LRRTM4: variants seen among roughly 807,000 people sequenced by gnomAD.
The protein encoded by LRRTM4 is leucine-rich repeat transmembrane neuronal protein 4.
A neutral mutation model predicts 47.6 loss-of-function variants in LRRTM4; 25 were observed. The observed-to-expected ratio is 0.53, with a 90% CI of 0.38 to 0.73. LRRTM4 has a LOEUF of 0.73. Ranked by LOEUF, LRRTM4 falls within the 30% of genes least tolerant of loss-of-function variation. LRRTM4 has a pLI of 0.00. For synonymous variants in LRRTM4, 311 were observed against 269.5 expected, an observed-to-expected ratio of 1.15 and a Z score of -1.51; for missense variants, 638 against 713.4, an observed-to-expected ratio of 0.89 and a Z score of 1.20.
At chr2:77,212,195 AT>A (rs1674311310) in intron 3 of LRRTM4, among the ~76,000 whole-genome samples, 1 of 152,036 alleles carries the variant, frequency 6.6e-6, no homozygotes, top group Non-Finnish European at 1.5e-5. Context: ...AGAAAAAAAC[AT>A]TACTTAAAGT....
At chr2:76,912,487 T>C (rs1237474078) in intron 3 of LRRTM4, among the ~76,000 whole-genome samples, 1 of 152,220 alleles carries the variant, frequency 6.6e-6, no homozygotes, top group Non-Finnish European at 1.5e-5. Flanking sequence ...AATAAATTCT[T>C]AGAAACAAAA....
chr2:77,102,609 G>T (rs1670986763), intron 3 of LRRTM4, among the ~76,000 whole-genome samples: 1 of 152,120 alleles, frequency 6.6e-6, no homozygotes, highest in South Asian at 2.1e-4. Context: ...TCATAGGGCA[G>T]GTGACAATTA....
At chr2:76,983,482 G>A (rs1228389160) in intron 3 of LRRTM4, among the ~76,000 whole-genome samples, 1 of 151,920 alleles carries the variant, frequency 6.6e-6, no homozygotes, top group East Asian at 1.9e-4. Context: ...TTCCCTGCAC[G>A]AGCTCTCTTG....
intron 3 of LRRTM4, among the ~76,000 whole-genome samples, chr2:77,161,208 C>G (rs192122463): frequency 6.6e-6 from 1 of 152,246 alleles, no homozygotes; most frequent in East Asian, 1.9e-4. Flanking sequence ...ATTGTGAAAC[C>G]TAAGACTGGT....
chr2:77,354,411 C>CT (rs1671894942), intron 3 of LRRTM4, among the ~76,000 whole-genome samples: 1 of 133,062 alleles, frequency 7.5e-6, no homozygotes, highest in Admixed American at 8.6e-5. Context: ...GACGTACTTC[C>CT]TAGAAATTGT....
At chr2:77,157,826 T>C (rs1244061142) in intron 3 of LRRTM4, among the ~76,000 whole-genome samples, 1 of 152,118 alleles carries the variant, frequency 6.6e-6, no homozygotes, top group African/African-American at 2.4e-5. Flanking sequence ...TGCAGGAAAC[T>C]CAGGGACAGA....
rs370591975 is a variant in LRRTM4, at chr2:77,353,237, G to T, written c.1551+165081C>A. 3.8e-4 allele frequency among the ~76,000 whole-genome samples: 58 copies of T among 152,174 alleles called. 1 individual carries two copies. The South Asian group carries it at 0.012, about 30-fold the overall frequency. ...TAACATCTGTTGGATAGTTCTCAAG[G>T]CTTTCTTTCCCTTTTGATTTGCACA... is the stretch of plus-strand genomic sequence containing the variant. On this transcript the variant is annotated intron_variant, in intron 3 of 3. Coordinates refer to ENST00000409884, the MANE Select transcript of LRRTM4 (RefSeq NM_001134745.3).
chr2:77,044,266 T>A (rs918743616), intron 3 of LRRTM4, among the ~76,000 whole-genome samples: 1 of 151,708 alleles, frequency 6.6e-6, no homozygotes, highest in African/African-American at 2.4e-5. Flanking sequence ...AAGGTAATAT[T>A]ATTTTAATAA....
chr2:77,480,294 T>A lies in LRRTM4; in HGVS notation c.1551+38024A>T, dbSNP rs1007803336. On this transcript the variant is annotated intron_variant, in intron 3 of 3. Coordinates refer to ENST00000409884, the MANE Select transcript of LRRTM4 (RefSeq NM_001134745.3). The stretch of plus-strand genomic sequence containing the variant: ...AGACTGGCAGAGCCCTTGCAAAATA[T>A]CTCCAACACGATTGCAGGGGAGCAG... Among the ~76,000 whole-genome samples, 92 of 152,256 alleles carry A rather than the reference T, an allele frequency of 6.0e-4. 2 individuals are homozygous for A. The highest frequency in any genetic ancestry group is 6.0e-3 in the Admixed American group (92 of 15,294).
At chr2:76,881,280 G>A (rs1237994777) in intron 3 of LRRTM4, among the ~76,000 whole-genome samples, 1 of 151,962 alleles carries the variant, frequency 6.6e-6, no homozygotes, top group Non-Finnish European at 1.5e-5. Flanking sequence ...CAAGTTTGAG[G>A]GCAAAATGAA....
chr2:77,159,323 T>A (rs1672644751), intron 3 of LRRTM4, among the ~76,000 whole-genome samples: 1 of 152,062 alleles, frequency 6.6e-6, no homozygotes, highest in Admixed American at 6.6e-5. Flanking sequence ...CATACTGCAT[T>A]TTTTCAACAC....
chr2:76,898,418 C>A (rs1299229733), intron 3 of LRRTM4, among the ~76,000 whole-genome samples: 1 of 151,780 alleles, frequency 6.6e-6, no homozygotes, highest in Admixed American at 6.6e-5. Context: ...GGAGTAATCT[C>A]GAAACATTTA....
intron 3 of LRRTM4, among the ~76,000 whole-genome samples, chr2:76,922,088 T>C (rs79856863): frequency 0.067 from 10,156 of 152,144 alleles, 841 homozygotes; most frequent in African/African-American, 0.18. Context: ...TCTTGCTATC[T>C]GCAACAACGT....
rs1313489670 is a variant in LRRTM4, at chr2:77,428,009, A to T, written c.1551+90309T>A. Among the ~76,000 whole-genome samples the T allele has an allele frequency of 2.6e-5, 4 of 152,108 alleles. No homozygotes were observed. In the East Asian group the frequency reaches 7.7e-4, roughly 29 times the overall value. On this transcript the variant is annotated intron_variant, in intron 3 of 3. Transcript: ENST00000409884. ...GAAGTAATTGAACCATAGGGCAGTTACTCCCATGCTACTGTTCTTGTGAGA... is the reference window on the plus strand; with the variant it reads ...GAAGTAATTGAACCATAGGGCAGTTTCTCCCATGCTACTGTTCTTGTGAGA...
intron 3 of LRRTM4, among the ~76,000 whole-genome samples, chr2:77,472,183 G>GT (rs1288581606): frequency 6.6e-6 from 1 of 152,132 alleles, no homozygotes; most frequent in African/African-American, 2.4e-5. Flanking sequence ...GTGCTGAAGT[G>GT]TGGTCTAGTG....
intron 3 of LRRTM4, among the ~76,000 whole-genome samples, chr2:76,819,064 C>T (rs1013788186): frequency 2.6e-5 from 4 of 151,422 alleles, no homozygotes; most frequent in Non-Finnish European, 4.4e-5. Context: ...AGTAATATTC[C>T]GTGTCTAAAA....
At chr2:77,274,392 T>C (rs115894965) in intron 3 of LRRTM4, among the ~76,000 whole-genome samples, 1 of 152,256 alleles carries the variant, frequency 6.6e-6, no homozygotes, top group South Asian at 2.1e-4. Context: ...ACAATAAAGG[T>C]CATGGTGTTT....
intron 3 of LRRTM4, among the ~76,000 whole-genome samples, chr2:77,213,460 T>C (rs1206843889): frequency 6.6e-6 from 1 of 152,138 alleles, no homozygotes; most frequent in African/African-American, 2.4e-5. Flanking sequence ...ATGTCATTGA[T>C]TAAGTATACA....
intron 3 of LRRTM4, among the ~76,000 whole-genome samples, chr2:76,802,255 TAGAATAAA>T (rs1235869175): frequency 6.8e-6 from 1 of 147,196 alleles, no homozygotes; most frequent in Admixed American, 6.8e-5. Context: ...AAAAAACTGT[TAGAATAAA>T]TAAAGTAAGT....
Sources: gnomAD v4.1 joint callset for allele counts (sites outside exome capture counted in the v4.1 genomes callset) on GRCh38, gnomAD v4.1.1 for gene constraint, MANE v1.5 for transcripts, NCBI Gene and HGNC (gene_info 2026-07-23, HGNC 2026-07-21) for gene names.